Variants in DPYSL2 observed in about 807,000 individuals in gnomAD.
DPYSL2 encodes the protein dihydropyrimidinase-related protein 2.
Under a neutral mutation model 69.9 loss-of-function variants are expected in DPYSL2, and 13 were observed. The ratio of observed to expected loss-of-function variants is 0.19; its 90% CI spans 0.12 to 0.30. The LOEUF (loss-of-function observed/expected upper bound fraction) is 0.30, where lower values mean the gene tolerates loss of function less well. Among genes scored for constraint, DPYSL2 ranks in the 10% least tolerant of loss-of-function variants. The pLI is 1.00. For missense variants in DPYSL2, 587 were observed against 918.9 expected, an observed-to-expected ratio of 0.64 and a Z score of 4.67; for synonymous variants, 326 against 359.1, an observed-to-expected ratio of 0.91 and a Z score of 1.04.
At position 26,647,549 on chromosome 8, in the gene DPYSL2, C is replaced by T; in HGVS notation, c.1426-81C>T. The T allele has an allele frequency of 3.5e-6, 5 of 1,437,464 alleles. No individual in the cohort carries two copies. Among genetic ancestry groups the T allele is most frequent in the Non-Finnish European group, 4.7e-6 (5 of 1,058,994 alleles). The allele number at this position is 1,437,464 out of a possible 1,614,324, so 89.0% of individuals were successfully genotyped here. On this transcript the variant is annotated intron_variant, in intron 10 of 13. Coordinates refer to ENST00000521913, the MANE Select transcript of DPYSL2 (RefSeq NM_001197293.3). The surrounding 1 kb of genome is among the most constrained non-coding windows in gnomAD (Gnocchi z 5.1). ...CATCCATCTAAGCTGTCGTGTGTATCAATAGTTTGTTATTGAAAAGTAACT... is the reference window on the plus strand; with the variant it reads ...CATCCATCTAAGCTGTCGTGTGTATTAATAGTTTGTTATTGAAAAGTAACT...
chr8:26,530,223 G>A (rs758306805), intron 1 of DPYSL2, among the ~76,000 whole-genome samples: 4 of 151,308 alleles, frequency 2.6e-5, no homozygotes, highest in Non-Finnish European at 5.9e-5. Flanking sequence ...TCCAATTTCA[G>A]TGACGTGACA....
At chr8:26,616,829 A>G (rs1281413859) in intron 3 of DPYSL2, among the ~76,000 whole-genome samples, 1 of 151,648 alleles carries the variant, frequency 6.6e-6, no homozygotes, top group Non-Finnish European at 1.5e-5. Context: ...GTATAACCCC[A>G]AGGTGGGATC....
At position 26,580,640 on chromosome 8, in the gene DPYSL2, A is replaced by T. The variant is rs1297445377; in HGVS notation, c.355-1329A>T. Reference sequence around the variant, plus strand: ...TTTTTTCCTTGCTCTCTAGTAGCTTATCTCTTTTTTAAAGATTTTCTATGA... The same window carrying T: ...TTTTTTCCTTGCTCTCTAGTAGCTTTTCTCTTTTTTAAAGATTTTCTATGA... On this transcript the variant is annotated intron_variant, in intron 1 of 13. Transcript: ENST00000521913. The surrounding 1 kb of genome is among the most constrained non-coding windows in gnomAD (Gnocchi z 4.1). Among the ~76,000 whole-genome samples, 1 of 152,174 alleles carries T rather than the reference A, an allele frequency of 6.6e-6. No homozygotes were observed. The highest frequency in any genetic ancestry group is 1.5e-5 in the Non-Finnish European group (1 of 68,018).
chr8:26,525,638 T>C (rs1261382853), intron 1 of DPYSL2, among the ~76,000 whole-genome samples: 2 of 152,232 alleles, frequency 1.3e-5, no homozygotes, highest in African/African-American at 2.4e-5. Flanking sequence ...TATTGAACAA[T>C]TGATGTTTTT....
At position 26,652,348 on chromosome 8, in the gene DPYSL2, C is replaced by T. The variant is rs773074145; in HGVS notation, c.1688C>T (p.Thr563Ile). The T allele has an allele frequency of 5.0e-6, 8 of 1,614,076 alleles. No individual in the cohort carries two copies. Among genetic ancestry groups the T allele is most frequent in the Non-Finnish European group, 5.1e-6 (6 of 1,180,032 alleles). The change falls in exon 12 of 14, where the codon ACC becomes ATC. Residue 563 changes from threonine (T) to isoleucine (I), a missense_variant. By Grantham distance (89) the Thr-to-Ile change is moderately conservative. Transcript: ENST00000521913. The surrounding 1 kb of genome is among the most constrained non-coding windows in gnomAD (Gnocchi z 6.3). ...SQGKIVLEDG[T>I]LHVTEGSGRY... is the part of the protein sequence containing the mutation. ...GGGAAGATTGTCCTGGAGGACGGCA[C>T]CCTGCATGTCACCGAAGGCTCTGGA...
rs148433060 is a variant in DPYSL2, at chr8:26,576,318, T to C, written c.355-5651T>C. Among the ~76,000 whole-genome samples the C allele has an allele frequency of 2.0e-4, 30 of 152,322 alleles. No homozygotes were observed. The East Asian group carries it at 4.1e-3, about 21-fold the overall frequency. ...AGCAGCTCGAATTATTCCGTATTTA[T>C]CTAGCTAAGCTTTGCTGAGCAGGTG... is the stretch of plus-strand genomic sequence containing the variant. On this transcript the variant is annotated intron_variant, in intron 1 of 13. Transcript: ENST00000521913.
intron 1 of DPYSL2, among the ~76,000 whole-genome samples, chr8:26,542,317 G>T (rs1181227885): frequency 6.6e-6 from 1 of 151,978 alleles, no homozygotes; most frequent in East Asian, 1.9e-4. Context: ...ACCCACAAAA[G>T]GTATAGAGTG....
chr8:26,630,231 C>T (rs1802737502), intron 7 of DPYSL2, among the ~76,000 whole-genome samples: 1 of 152,230 alleles, frequency 6.6e-6, no homozygotes, highest in Non-Finnish European at 1.5e-5. Flanking sequence ...CGCAAGGGTT[C>T]GTTTCTGTGG....
rs867368088 is a variant in DPYSL2 at position 26,609,791 on chromosome 8, A to G, written c.629-14352A>G. Among the ~76,000 whole-genome samples the G allele has an allele frequency of 1.3e-5, 2 of 152,018 alleles. No individual in the cohort carries two copies. The highest frequency in any genetic ancestry group is 1.5e-5 in the Non-Finnish European group (1 of 68,012). ...CCAGCCCCCAGGGTCCCTGCCACTC[A>G]TTACTTCTCTGCACTCTTTCTGTAA... On this transcript the variant is annotated intron_variant, in intron 3 of 13. Transcript: ENST00000521913. This position sits in a 1 kb window ranked among gnomAD's most constrained non-coding sequence, Gnocchi z 6.5.
At chr8:26,645,666 C>T (rs1803147319) in intron 10 of DPYSL2, among the ~76,000 whole-genome samples, 1 of 152,130 alleles carries the variant, frequency 6.6e-6, no homozygotes, top group African/African-American at 2.4e-5. Flanking sequence ...TCTCCTGCCT[C>T]AGCCCCCTGA....
In DPYSL2 at chr8:26,514,068, A is replaced by G. The variant is rs1310208360; in HGVS notation, c.-258A>G. 2 of 338,014 alleles carry G rather than the reference A, an allele frequency of 5.9e-6. No homozygotes were observed. The highest frequency in any genetic ancestry group is 1.1e-5 in the Non-Finnish European group (2 of 187,998). The allele number at this position is 338,014 out of a possible 1,614,324, so 20.9% of individuals were successfully genotyped here. A position where few individuals can be genotyped will look rare whatever the true frequency, so the allele number is the denominator to read the frequency against. ...GCAGCCGCAGCGGACGCCCTCCCAG[A>G]TCCAACTTTGCCGCTTCCCCGAGCT... is the stretch of plus-strand genomic sequence containing the variant. On this transcript the variant is annotated 5_prime_UTR_variant, in exon 1 of 14. Coordinates refer to ENST00000521913, the MANE Select transcript of DPYSL2 (RefSeq NM_001197293.3). The surrounding 1 kb of genome is among the most constrained non-coding windows in gnomAD (Gnocchi z 8.4).
chr8:26,626,071 G>C lies in DPYSL2; in HGVS notation c.794-546G>C, dbSNP rs997715344. Among the ~76,000 whole-genome samples, 13 of 152,134 alleles carry C rather than the reference G, an allele frequency of 8.5e-5. No homozygotes were observed. Among genetic ancestry groups the C allele is most frequent in the African/African-American group, 2.7e-4 (11 of 41,424 alleles). On this transcript the variant is annotated intron_variant, in intron 4 of 13. Coordinates refer to ENST00000521913, the MANE Select transcript of DPYSL2 (RefSeq NM_001197293.3). This position sits in a 1 kb window ranked among gnomAD's most constrained non-coding sequence, Gnocchi z 4.3. ...ATTGACTTCTAGGGACCTCATACAA[G>C]TGGAATCATATAGTATTTGTCCTTT... is the stretch of plus-strand genomic sequence containing the variant.
chr8:26,515,596 T>C (rs1395828896), intron 1 of DPYSL2, among the ~76,000 whole-genome samples: 1 of 152,236 alleles, frequency 6.6e-6, no homozygotes, highest in Non-Finnish European at 1.5e-5. Flanking sequence ...CTGACAAATA[T>C]GAACAGTGAG....
chr8:26,653,815 CA>C lies in DPYSL2; in HGVS notation c.1942+421del, dbSNP rs1329231536. On this transcript the variant is annotated intron_variant, in intron 13 of 13. Coordinates refer to ENST00000521913, the MANE Select transcript of DPYSL2 (RefSeq NM_001197293.3). The surrounding 1 kb of genome is among the most constrained non-coding windows in gnomAD (Gnocchi z 5.7). ...AGGTGATCTGCCCGCCTCGGCCTCCCAAAGTGCTGGGATTACAGGTGTGAGC... is the reference window on the plus strand; with the variant it reads ...AGGTGATCTGCCCGCCTCGGCCTCCCAAGTGCTGGGATTACAGGTGTGAGC... 1.3e-5 allele frequency among the ~76,000 whole-genome samples: 2 copies of C among 152,164 alleles called. No homozygotes were observed. The highest frequency in any genetic ancestry group is 4.8e-5 in the African/African-American group (2 of 41,428).
intron 1 of DPYSL2, chr8:26,578,009 CTCTCTCTCTT>C: frequency 7.2e-7 from 1 of 1,382,000 alleles, no homozygotes; most frequent in Admixed American, 3.1e-5. Flanking sequence ...CTCTCTCTCT[CTCTCTCTCTT>C]TTTTTTCCGC....
chr8:26,534,785 A>G (rs1248842921), intron 1 of DPYSL2, among the ~76,000 whole-genome samples: 1 of 152,190 alleles, frequency 6.6e-6, no homozygotes, highest in South Asian at 2.1e-4. Flanking sequence ...GGCATCGGCC[A>G]CCATGCCAGG....
intron 1 of DPYSL2, among the ~76,000 whole-genome samples, chr8:26,537,469 A>C (rs1800611019): frequency 6.6e-6 from 1 of 152,192 alleles, no homozygotes; most frequent in Non-Finnish European, 1.5e-5. Flanking sequence ...TGTGCTTTTA[A>C]AGCTTTTTAA....
chr8:26,572,409 G>C (rs796675937), intron 1 of DPYSL2, among the ~76,000 whole-genome samples: 6 of 152,288 alleles, frequency 3.9e-5, no homozygotes, highest in African/African-American at 1.4e-4. Context: ...GGGCTGGCTG[G>C]GTGCCTCCAC....
chr8:26,570,741 G>GAAAAAAAAAAAAAAAAAAAAA (rs572040580), intron 1 of DPYSL2, among the ~76,000 whole-genome samples: 1 of 108,302 alleles, frequency 9.2e-6, no homozygotes, highest in Non-Finnish European at 1.8e-5. Context: ...CTTAGAAAAG[G>GAAAAAAAAAAAAAAAAAAAAA]AAAAAAAAAA....
Sources: gnomAD v4.1 joint callset for allele counts (sites outside exome capture counted in the v4.1 genomes callset) on GRCh38, gnomAD v4.1.1 for gene constraint, Gnocchi (gnomAD v3.1) non-coding constraint, MANE v1.5 for transcripts, NCBI Gene and HGNC (gene_info 2026-07-23, HGNC 2026-07-21) for gene names.